Variants in PSMA1 observed in about 807,000 individuals in gnomAD.
The protein encoded by PSMA1 is proteasome subunit alpha type-1.
A neutral mutation model predicts 38.4 loss-of-function variants in PSMA1; 3 were observed. The observed-to-expected ratio is 0.08, with a 90% CI of 0.04 to 0.20. The LOEUF is 0.20. Ranked by LOEUF, PSMA1 falls within the 10% of genes least tolerant of loss-of-function variation. PSMA1 has a pLI of 1.00. For synonymous variants in PSMA1, 101 were observed against 107.1 expected (o/e 0.94, Z 0.35); for missense variants, 227 against 325.3 (o/e 0.70, Z 2.32).
At chr11:14,629,091 C>G (rs1049583369) in intron 1 of PSMA1, among the ~76,000 whole-genome samples, 3 of 151,898 alleles carry the variant, frequency 2.0e-5, no homozygotes, top group Non-Finnish European at 2.9e-5. Flanking sequence ...GAGTAGGTTG[C>G]GAAAATTTTC....
intron 1 of PSMA1, among the ~76,000 whole-genome samples, chr11:14,614,484 G>A (rs893744790): frequency 6.6e-6 from 1 of 151,718 alleles, no homozygotes; most frequent in African/African-American, 2.4e-5. Flanking sequence ...GCCTTCTACT[G>A]TTCATTGCCA....
rs1422482977 is a variant in PSMA1, at chr11:14,516,066, C to T, written c.255-1575G>A. On this transcript the variant is annotated intron_variant, in intron 4 of 9. Transcript: ENST00000396394. ...CTCTACTAAAAATGCAAAAATTAGC[C>T]GGGTGTGGTGGCACATGCTTGTAGT... Among the ~76,000 whole-genome samples the T allele has an allele frequency of 4.0e-5, 6 of 151,780 alleles. No homozygotes were observed. In the South Asian group the frequency reaches 8.3e-4, roughly 21 times the overall value.
At chr11:14,506,500 ATTC>A (rs1255420029) in intron 9 of PSMA1, among the ~76,000 whole-genome samples, 7 of 152,092 alleles carry the variant, frequency 4.6e-5, no homozygotes, top group Admixed American at 2.0e-4. Context: ...TCCATACTAG[ATTC>A]TTTTTTACTT....
intron 2 of PSMA1, among the ~76,000 whole-genome samples, chr11:14,554,048 C>T (rs1445068917): frequency 6.6e-6 from 1 of 152,156 alleles, no homozygotes; most frequent in African/African-American, 2.4e-5. Flanking sequence ...TTGCATCTTC[C>T]TAATGGCTAA....
chr11:14,515,205 T>C (rs560655157), intron 4 of PSMA1, among the ~76,000 whole-genome samples: 1 of 152,356 alleles, frequency 6.6e-6, no homozygotes, highest in Non-Finnish European at 1.5e-5. Context: ...TCAGTACTTA[T>C]ATTTAAGTCC....
At chr11:14,605,244 T>C (rs1450373736) in intron 2 of PSMA1, among the ~76,000 whole-genome samples, 1 of 152,192 alleles carries the variant, frequency 6.6e-6, no homozygotes, top group African/African-American at 2.4e-5. Flanking sequence ...ATAGCCATTA[T>C]GACTGGTGTG....
chr11:14,531,174 C>T (rs529849024), intron 2 of PSMA1, among the ~76,000 whole-genome samples: 1 of 152,008 alleles, frequency 6.6e-6, no homozygotes, highest in South Asian at 2.1e-4. Context: ...TCAGAGGGTA[C>T]ATGTGCATGT....
chr11:14,629,817 A>G lies in PSMA1; in HGVS notation c.-166+13638T>C, dbSNP rs1471491516. On this transcript the variant is annotated intron_variant, in intron 1 of 10. Coordinates refer to the PSMA1 transcript ENST00000418988. Reference sequence around the variant, plus strand: ...ACCCATGAGCATGGAATGTTCTTCCATTTGTTTGTATCCTCTTTTATTTCC... The same window carrying G: ...ACCCATGAGCATGGAATGTTCTTCCGTTTGTTTGTATCCTCTTTTATTTCC... Among the ~76,000 whole-genome samples, 82 of 151,944 alleles carry G rather than the reference A, an allele frequency of 5.4e-4. 1 individual carries two copies. The East Asian group carries it at 0.014, about 27-fold the overall frequency.
intron 2 of PSMA1, among the ~76,000 whole-genome samples, chr11:14,585,746 T>C (rs907215206): frequency 6.6e-6 from 1 of 152,210 alleles, no homozygotes; most frequent in African/African-American, 2.4e-5. Context: ...TGTGATCCCA[T>C]GGCATATTGC....
intron 7 of PSMA1, among the ~76,000 whole-genome samples, chr11:14,511,595 A>C (rs1414872945): frequency 6.6e-6 from 1 of 152,226 alleles, no homozygotes. Context: ...GCACGTGATA[A>C]AACCTAAAAT....
At position 14,513,841 on chromosome 11, in the gene PSMA1, A is replaced by G. The variant is rs140595284; in HGVS notation, c.390T>C (p.Val130=). 1.0e-5 allele frequency: 16 copies of G among 1,600,026 alleles called. No homozygotes were observed. Among genetic ancestry groups the G allele is most frequent in the Middle Eastern group, 2.1e-4 (1 of 4,742 alleles). ...CATCATAACCAGCAATAAGGAGACC[A>G]ACACCATATGGTCTCCGGCCATATC... ...TQRYGRRPYG[V]GLLIAGYDDM... Residue 130 remains valine (V), a synonymous_variant, in exon 6 of 10, where the codon GTT becomes GTC. Coordinates refer to ENST00000396394, the MANE Select transcript of PSMA1 (RefSeq NM_002786.4).
chr11:14,611,077 C>T, exon 2 of PSMA1: 1 of 1,362,168 alleles, frequency 7.3e-7, no homozygotes, highest in Non-Finnish European at 1.0e-6. Flanking sequence ...CTTGGAGGGC[C>T]AAGGCCTTTA....
At chr11:14,510,809 A>G (rs1851330103) in intron 8 of PSMA1, 63 bp downstream of exon 8, 9 of 1,193,676 alleles carry the variant, frequency 7.5e-6, no homozygotes, top group South Asian at 4.3e-5. Context: ...ACTCCATTAC[A>G]TTTATGCAAT....
At chr11:14,630,972 C>T (rs999966592) in intron 1 of PSMA1, among the ~76,000 whole-genome samples, 3 of 152,134 alleles carry the variant, frequency 2.0e-5, no homozygotes, top group Admixed American at 6.6e-5. Flanking sequence ...TGTAGTATTC[C>T]CTGAAGGTAG....
chr11:14,521,508 G>T (rs1652547642), upstream of PSMA1, among the ~76,000 whole-genome samples: 1 of 148,780 alleles, frequency 6.7e-6, no homozygotes, highest in East Asian at 2.0e-4. Flanking sequence ...AAAAAAAGCC[G>T]GGCGCGGTGG....
chr11:14,570,097 G>A (rs1852120050), intron 2 of PSMA1, among the ~76,000 whole-genome samples: 1 of 152,190 alleles, frequency 6.6e-6, no homozygotes, highest in African/African-American at 2.4e-5. Context: ...CAGACAAAGA[G>A]GATTTGGAGT....
intron 2 of PSMA1, among the ~76,000 whole-genome samples, chr11:14,610,663 C>A (rs764295266): frequency 6.6e-6 from 1 of 152,140 alleles, no homozygotes; most frequent in African/African-American, 2.4e-5. Context: ...TTATATATCC[C>A]TCCTTTGTCC....
intron 2 of PSMA1, among the ~76,000 whole-genome samples, chr11:14,573,030 A>G (rs1852165551): frequency 1.3e-5 from 2 of 152,228 alleles, no homozygotes; most frequent in Admixed American, 1.3e-4. Context: ...TTAATAGCCT[A>G]CCAACCAAAA....
chr11:14,623,213 C>T (rs954361274), intron 1 of PSMA1, among the ~76,000 whole-genome samples: 1 of 152,216 alleles, frequency 6.6e-6, no homozygotes, highest in Non-Finnish European at 1.5e-5. Flanking sequence ...TAACACCCTT[C>T]CCTAGCTTGT....
Sources: gnomAD v4.1 joint callset for allele counts (sites outside exome capture counted in the v4.1 genomes callset) on GRCh38, gnomAD v4.1.1 for gene constraint, MANE v1.5 for transcripts, NCBI Gene and HGNC (gene_info 2026-07-23, HGNC 2026-07-21) for gene names.